Variants in NNT observed in about 807,000 individuals in gnomAD.
NNT encodes the protein nicotinamide nucleotide transhydrogenase.
Under a neutral mutation model 104.8 loss-of-function variants are expected in NNT, and 50 were observed. The observed-to-expected ratio is 0.48, with a 90% confidence interval of 0.38 to 0.60. The LOEUF (loss-of-function observed/expected upper bound fraction) is 0.60, where lower values mean the gene tolerates loss of function less well. Ranked by LOEUF, NNT falls within the 20% of genes least tolerant of loss-of-function variation. The probability of loss-of-function intolerance (pLI) is 0.00; values close to 1 mark genes in which losing one functional copy is unlikely to be tolerated. For missense variants in NNT, 1,131 were observed against 1,330.7 expected (o/e 0.85, Z 2.33); for synonymous variants, 461 against 490.4 (o/e 0.94, Z 0.79).
chr5:43,624,339 G>T (rs1408193147), intron 6 of NNT, among the ~76,000 whole-genome samples: 2 of 152,200 alleles, frequency 1.3e-5, no homozygotes, highest in Admixed American at 1.3e-4. Context: ...TGGATTGACA[G>T]TGGGACCAGA....
intron 17 of NNT, among the ~76,000 whole-genome samples, chr5:43,668,190 T>G (rs1740822390): frequency 6.6e-6 from 1 of 151,976 alleles, no homozygotes; most frequent in Non-Finnish European, 1.5e-5. Flanking sequence ...GTCAGATGAG[T>G]AGATTGCAAA....
chr5:43,612,499 G>A (rs1236976811), intron 2 of NNT, among the ~76,000 whole-genome samples: 1 of 152,156 alleles, frequency 6.6e-6, no homozygotes, highest in East Asian at 1.9e-4. Context: ...GGATACAGTT[G>A]TTCTTCAAAA....
At chr5:43,636,006 A>G (rs1750912489) in intron 7 of NNT, among the ~76,000 whole-genome samples, 1 of 152,116 alleles carries the variant, frequency 6.6e-6, no homozygotes, top group Non-Finnish European at 1.5e-5. Flanking sequence ...TTAATGTTTA[A>G]TCTGTTCATT....
At chr5:43,689,967 GA>G (rs1409367726) in intron 19 of NNT, among the ~76,000 whole-genome samples, 1 of 151,548 alleles carries the variant, frequency 6.6e-6, no homozygotes, top group African/African-American at 2.4e-5. Context: ...CAAAGACAAA[GA>G]AAAAAGCATT....
At chr5:43,662,326 TA>T (rs1740413278) in intron 17 of NNT, among the ~76,000 whole-genome samples, 1 of 152,176 alleles carries the variant, frequency 6.6e-6, no homozygotes, top group Non-Finnish European at 1.5e-5. Flanking sequence ...TTGTTGAAAG[TA>T]CTCTCTTCTA....
intron 7 of NNT, among the ~76,000 whole-genome samples, chr5:43,640,827 CAT>C (rs952683146): frequency 6.6e-6 from 1 of 150,456 alleles, no homozygotes; most frequent in Non-Finnish European, 1.5e-5. Context: ...CATATATACA[CAT>C]ATATAATATA....
rs1743091859 is a variant in NNT, at chr5:43,706,287, C to G, written c.*1883C>G. ...AGTGGACTTAGATTATAAATTATGGCAAAAATCTAAAAACAACAAAAATGA... is the reference window on the plus strand; with the variant it reads ...AGTGGACTTAGATTATAAATTATGGGAAAAATCTAAAAACAACAAAAATGA... On this transcript the variant is annotated 3_prime_UTR_variant, in exon 22 of 22. Transcript: ENST00000344920. The G allele has an allele frequency of 6.6e-6, 1 of 151,246 alleles. No homozygotes were observed. Among genetic ancestry groups the G allele is most frequent in the South Asian group, 2.1e-4 (1 of 4,808 alleles). The allele number at this position is 151,246 out of a possible 1,614,324, so 9.4% of individuals were successfully genotyped here. A position where few individuals can be genotyped will look rare whatever the true frequency, so the allele number is the denominator to read the frequency against.
At chr5:43,698,663 T>C (rs1742687040) in intron 19 of NNT, among the ~76,000 whole-genome samples, 1 of 152,132 alleles carries the variant, frequency 6.6e-6, no homozygotes, top group African/African-American at 2.4e-5. Context: ...AACTCTTGTT[T>C]ATATCAATTA....
chr5:43,655,801 T>G (rs767641461), intron 14 of NNT, 39 bp from the exon 15 acceptor site: 1 of 1,474,196 alleles, frequency 6.8e-7, no homozygotes, highest in Middle Eastern at 1.7e-4. Flanking sequence ...TTCTCAAAAG[T>G]TTGTCAAGTT....
At chr5:43,645,206 A>T in intron 9 of NNT, 151 bp from the exon 10 acceptor site, 1 of 408,236 alleles carries the variant, frequency 2.4e-6, no homozygotes. Flanking sequence ...TGACATATTT[A>T]TGTAAAATGA....
chr5:43,703,779 G>A lies in NNT; in HGVS notation c.3112-476G>A, dbSNP rs190556589. 5.0e-3 allele frequency among the ~76,000 whole-genome samples: 760 copies of A among 152,122 alleles called. 3 individuals carry two copies. Among genetic ancestry groups the A allele is most frequent in the Admixed American group, 9.1e-3 (139 of 15,282 alleles). On this transcript the variant is annotated intron_variant, in intron 21 of 21. Coordinates refer to ENST00000344920, the MANE Select transcript of NNT (RefSeq NM_182977.3). ...TTGTGAGAAGCTGGATTGCTCTTTG[G>A]GCTTTTGTTCTAGAACTTTCTGATA...
chr5:43,662,996 A>G (rs559437806), intron 17 of NNT, among the ~76,000 whole-genome samples: 1 of 152,118 alleles, frequency 6.6e-6, no homozygotes, highest in Non-Finnish European at 1.5e-5. Flanking sequence ...CTAAACTTCC[A>G]TTACCACTTA....
intron 4 of NNT, 77 bp from the exon 5 acceptor site, chr5:43,618,955 T>C (rs1749926217): frequency 2.5e-6 from 2 of 813,242 alleles, no homozygotes; most frequent in Non-Finnish European, 3.5e-6. Flanking sequence ...ACTTCATTGA[T>C]GACTTATGAT....
chr5:43,617,311 G>A (rs10074229), intron 4 of NNT, among the ~76,000 whole-genome samples: 21,837 of 152,182 alleles, frequency 0.14, 2,349 homozygotes, highest in African/African-American at 0.3. Flanking sequence ...AATAAATCCA[G>A]TAAGAGCTGA....
At chr5:43,638,230 A>G (rs896881155) in intron 7 of NNT, among the ~76,000 whole-genome samples, 4 of 152,184 alleles carry the variant, frequency 2.6e-5, no homozygotes, top group African/African-American at 9.6e-5. Context: ...TGAGTCAATT[A>G]AACCCCTTTC....
intron 18 of NNT, among the ~76,000 whole-genome samples, chr5:43,677,389 T>G (rs946954598): frequency 6.9e-6 from 1 of 143,994 alleles, no homozygotes; most frequent in African/African-American, 2.6e-5. Context: ...ATGAAGAGAG[T>G]TTAAAAACAT....
Position 43,656,737 on chromosome 5 carries a change from T to C in NNT, c.2378T>C (p.Ile793Thr). Residue 793 changes from isoleucine to threonine, a missense_variant, in exon 16 of 22, where the codon ATC becomes ACC. Ile to Thr is a moderately conservative substitution (Grantham distance 89, BLOSUM62 -1). Transcript: ENST00000344920. ...CTGGCTGCTAGTGTGGGCGGGATAA[T>C]CCCATTCATGGTGGACCCAAGCTTT... ...GLLAASVGGI[I>T]PFMVDPSFTT... 2 of 1,614,184 alleles carry C rather than the reference T, an allele frequency of 1.2e-6. No homozygotes were observed. Among genetic ancestry groups the C allele is most frequent in the Admixed American group, 3.3e-5 (2 of 60,022 alleles).
chr5:43,664,944 CT>C (rs912378260), intron 17 of NNT, among the ~76,000 whole-genome samples: 1 of 151,760 alleles, frequency 6.6e-6, no homozygotes, highest in Non-Finnish European at 1.5e-5. Context: ...TGTGTGGTTC[CT>C]TTTTTTTCTC....
At chr5:43,645,319 T>C in intron 9 of NNT, 38 bp from the exon 10 acceptor site, 5 of 1,354,698 alleles carry the variant, frequency 3.7e-6, no homozygotes, top group Non-Finnish European at 4.8e-6. Context: ...AATGCTGGAT[T>C]GACTTTTTAA....
Sources: gnomAD v4.1 joint callset for allele counts (sites outside exome capture counted in the v4.1 genomes callset) on GRCh38, gnomAD v4.1.1 for gene constraint, MANE v1.5 for transcripts, NCBI Gene and HGNC (gene_info 2026-07-23, HGNC 2026-07-21) for gene names.